PUM2: variants seen among roughly 807,000 people sequenced by gnomAD.
PUM2 encodes the protein pumilio homolog 2.
PUM2 carries 57 observed loss-of-function variants against 124.5 expected under a neutral mutation model. The observed-to-expected ratio is 0.46, with a 90% confidence interval of 0.37 to 0.57. The LOEUF (loss-of-function observed/expected upper bound fraction) is 0.57. PUM2 is among the 20% of genes least tolerant of loss of function. The pLI is 0.00. For synonymous variants in PUM2, 460 were observed against 446.1 expected, an observed-to-expected ratio of 1.03 and a Z score of -0.39; for missense variants, 1,065 against 1,290.6, an observed-to-expected ratio of 0.83 and a Z score of 2.68.
intron 10 of PUM2, among the ~76,000 whole-genome samples, chr2:20,287,086 A>C (rs533063006): frequency 4.6e-5 from 7 of 152,358 alleles, no homozygotes; most frequent in Admixed American, 2.0e-4. Context: ...AGAATTATGC[A>C]ATCTAGCACA....
intron 8 of PUM2, among the ~76,000 whole-genome samples, chr2:20,296,454 C>T (rs983026631): frequency 2.0e-5 from 3 of 151,270 alleles, no homozygotes; most frequent in Non-Finnish European, 4.4e-5. Flanking sequence ...GAGATCGTGC[C>T]ACTGCACTCC....
chr2:20,269,657 T>A (rs1421167228), intron 13 of PUM2, among the ~76,000 whole-genome samples: 3 of 152,208 alleles, frequency 2.0e-5, no homozygotes, highest in Non-Finnish European at 2.9e-5. Context: ...ACGTACTACC[T>A]TAAAACTGTT....
At chr2:20,331,142 A>AC (rs1558662543) in intron 1 of PUM2, among the ~76,000 whole-genome samples, 1 of 151,796 alleles carries the variant, frequency 6.6e-6, no homozygotes. Flanking sequence ...AAAAAAAAAA[A>AC]ACCACACGCG....
chr2:20,291,080 T>A (rs917904), intron 9 of PUM2, among the ~76,000 whole-genome samples: 120,168 of 151,932 alleles, frequency 0.79, 47,600 homozygotes, highest in East Asian at 0.94. Context: ...GTTTAAAAAA[T>A]AATAATAATA....
chr2:20,297,777 G>C (rs1206804299), intron 7 of PUM2, 99 bp from the exon 8 acceptor site: 12 of 1,291,718 alleles, frequency 9.3e-6, no homozygotes, highest in Non-Finnish European at 4.3e-6. Context: ...GTGGTGTGGG[G>C]GTGGGGAGCA....
chr2:20,254,774 T>C (rs1572524205), intron 19 of PUM2, 89 bp downstream of exon 19: 1 of 1,336,576 alleles, frequency 7.5e-7, no homozygotes, highest in Non-Finnish European at 1.0e-6. Flanking sequence ...TACAGTTTAA[T>C]GCTACATGCT....
chr2:20,327,408 C>G, intron 1 of PUM2, 30 bp from the exon 2 acceptor site: 1 of 1,370,614 alleles, frequency 7.3e-7, no homozygotes, highest in Non-Finnish European at 1.0e-6. Flanking sequence ...AAAATTAGTA[C>G]AAAGAAATGT....
chr2:20,290,921 G>T, intron 9 of PUM2, 131 bp from the exon 10 acceptor site: 1 of 711,670 alleles, frequency 1.4e-6, no homozygotes, highest in Non-Finnish European at 2.1e-6. Flanking sequence ...AGGAAATGTA[G>T]ATTTAGCATG....
intron 14 of PUM2, among the ~76,000 whole-genome samples, chr2:20,261,117 GC>G (rs1666097869): frequency 6.6e-6 from 1 of 152,142 alleles, no homozygotes; most frequent in Non-Finnish European, 1.5e-5. Context: ...ATGGCCGGGT[GC>G]AGTGGCTCAC....
intron 3 of PUM2, among the ~76,000 whole-genome samples, chr2:20,317,970 G>A (rs1681402368): frequency 6.6e-6 from 1 of 151,988 alleles, no homozygotes; most frequent in African/African-American, 2.4e-5. Flanking sequence ...CCATGGTTTT[G>A]CTATTATGGA....
chr2:20,263,932 T>C (rs1209062042), intron 13 of PUM2, among the ~76,000 whole-genome samples: 5 of 152,136 alleles, frequency 3.3e-5, no homozygotes, highest in Non-Finnish European at 7.4e-5. Context: ...TATGTAAAAA[T>C]AAATCAATTC....
chr2:20,299,480 G>C (rs1676440052), intron 7 of PUM2, among the ~76,000 whole-genome samples: 1 of 151,994 alleles, frequency 6.6e-6, no homozygotes, highest in African/African-American at 2.4e-5. Flanking sequence ...GCCTGGTCTT[G>C]AACACAGTGA....
At position 20,253,845 on chromosome 2, in the gene PUM2, G is replaced by A; in HGVS notation, c.3040C>T (p.Gln1014Ter). The change falls in exon 20 of 21, where the codon CAG (glutamine) becomes TAG (stop). Residue 1014 changes from glutamine to a stop codon, truncating the protein, a stop_gained. Coordinates refer to ENST00000361078, the MANE Select transcript of PUM2 (RefSeq NM_015317.5). LOFTEE classifies it high-confidence loss of function. ...QKMIDMAEPA[Q>*]RKIIMHKIRP... The stretch of plus-strand genomic sequence containing the variant: ...ACCTTGTGCATGATTATCTTTCTCT[G>A]AGCAGGTTCAGCCATATCAATCATC... 1 of 1,613,282 alleles carries A rather than the reference G, an allele frequency of 6.2e-7. No individual in the cohort carries two copies. Among genetic ancestry groups the A allele is most frequent in the East Asian group, 2.2e-5 (1 of 44,866 alleles).
At chr2:20,348,666 A>C (rs1409831394) in intron 1 of PUM2, among the ~76,000 whole-genome samples, 1 of 152,152 alleles carries the variant, frequency 6.6e-6, no homozygotes, top group Admixed American at 6.5e-5. Context: ...GTGGTGGCTC[A>C]CGCCTGTAAT....
chr2:20,264,391 T>C (rs1411733820), intron 13 of PUM2, among the ~76,000 whole-genome samples: 10 of 117,296 alleles, frequency 8.5e-5, no homozygotes, highest in African/African-American at 2.7e-4. Context: ...TATATATATA[T>C]ATATATTTGA....
At chr2:20,288,102 G>A (rs564159603) in intron 10 of PUM2, among the ~76,000 whole-genome samples, 18 of 152,256 alleles carry the variant, frequency 1.2e-4, no homozygotes, top group African/African-American at 3.1e-4. Context: ...TATCTGAAAC[G>A]AAAATTCAAA....
chr2:20,273,329 GAAGTCT>G (rs1251913612), intron 13 of PUM2, among the ~76,000 whole-genome samples: 2 of 152,142 alleles, frequency 1.3e-5, no homozygotes, highest in African/African-American at 4.8e-5. Flanking sequence ...ACATCCTTGT[GAAGTCT>G]ACTACGAGGC....
chr2:20,333,802 T>C (rs1685422551), intron 1 of PUM2, among the ~76,000 whole-genome samples: 1 of 152,106 alleles, frequency 6.6e-6, no homozygotes, highest in South Asian at 2.1e-4. Flanking sequence ...AACCCCAGTG[T>C]TAGGGGTGGG....
At chr2:20,272,073 C>T (rs1202303420) in intron 13 of PUM2, among the ~76,000 whole-genome samples, 1 of 151,928 alleles carries the variant, frequency 6.6e-6, no homozygotes, top group Non-Finnish European at 1.5e-5. Flanking sequence ...GCAGGAGAAT[C>T]GCTTGAACCT....
Sources: gnomAD v4.1 joint callset for allele counts (sites outside exome capture counted in the v4.1 genomes callset) on GRCh38, gnomAD v4.1.1 for gene constraint, MANE v1.5 for transcripts, NCBI Gene and HGNC (gene_info 2026-07-23, HGNC 2026-07-21) for gene names.